PRORP: variants seen among roughly 807,000 people sequenced by gnomAD.
The protein encoded by PRORP is protein only RNase P catalytic subunit.
A neutral mutation model predicts 59.4 loss-of-function variants in PRORP; 51 were observed. The observed-to-expected ratio is 0.86, with a 90% CI of 0.69 to 1.08. PRORP has a LOEUF of 1.08. PRORP is among the 50% of genes least tolerant of loss of function. PRORP has a pLI of 0.00. For missense variants in PRORP, 646 were observed against 690.3 expected, an observed-to-expected ratio of 0.94 and a Z score of 0.72; for synonymous variants, 231 against 245.6, an observed-to-expected ratio of 0.94 and a Z score of 0.55.
At chr14:35,207,757 C>CTA (rs1264257648) in intron 5 of PRORP, among the ~76,000 whole-genome samples, 28 of 152,262 alleles carry the variant, frequency 1.8e-4, no homozygotes, top group Middle Eastern at 6.8e-3. Context: ...TTGAAGATGT[C>CTA]TATATCTATA....
At chr14:35,266,989 C>G in intron 6 of PRORP, 114 bp downstream of exon 6, 1 of 776,970 alleles carries the variant, frequency 1.3e-6, no homozygotes, top group Non-Finnish European at 1.8e-6. Flanking sequence ...TACTCACCCT[C>G]ATTAAAAAAA....
At chr14:35,122,085 G>C (rs2046924835), upstream of PRORP, 4 of 959,540 alleles carry the variant, frequency 4.2e-6, no homozygotes, top group Non-Finnish European at 6.5e-6. Flanking sequence ...CATCTTGATC[G>C]AGGGCGGAAG....
At chr14:35,160,265 CTT>C (rs2138944881) in intron 4 of PRORP, among the ~76,000 whole-genome samples, 1 of 152,324 alleles carries the variant, frequency 6.6e-6, no homozygotes, top group Non-Finnish European at 1.5e-5. Context: ...CTGTTGGACT[CTT>C]TCACCTTTTG....
chr14:35,204,024 T>A (rs74752973), intron 5 of PRORP, among the ~76,000 whole-genome samples: 1 of 152,236 alleles, frequency 6.6e-6, no homozygotes, highest in East Asian at 1.9e-4. Flanking sequence ...TATTGTATAG[T>A]TATCTTGAGC....
chr14:35,157,298 G>T (rs1393964955), intron 4 of PRORP, among the ~76,000 whole-genome samples: 1 of 151,976 alleles, frequency 6.6e-6, no homozygotes, highest in African/African-American at 2.4e-5. Flanking sequence ...TCCTAAACAT[G>T]GGCCAGACCT....
Position 35,211,402 on chromosome 14 carries a change from T to C in PRORP, c.1275+30625T>C, listed in dbSNP as rs548375375. Among the ~76,000 whole-genome samples, 6 of 152,302 alleles carry C rather than the reference T, an allele frequency of 3.9e-5. No homozygotes were observed. The East Asian group carries it at 1.2e-3, about 29-fold the overall frequency. On this transcript the variant is annotated intron_variant, in intron 5 of 7. Transcript: ENST00000534898. ...TATTCCCAGCACCTAAGACCATGCC[T>C]TGTGTATAATGGCTGCTCAGTAAAT...
intron 4 of PRORP, among the ~76,000 whole-genome samples, chr14:35,132,946 G>C (rs933791705): frequency 6.6e-6 from 1 of 151,816 alleles, no homozygotes; most frequent in African/African-American, 2.4e-5. Context: ...TTTTGAGACG[G>C]AGTGTTGTTC....
At chr14:35,212,257 A>C (rs2049467555) in intron 5 of PRORP, among the ~76,000 whole-genome samples, 1 of 151,968 alleles carries the variant, frequency 6.6e-6, no homozygotes, top group Non-Finnish European at 1.5e-5. Flanking sequence ...TGGAATCCAC[A>C]CCTTCCAAAC....
In PRORP at chr14:35,223,286, G is replaced by A. The variant is rs115313907; in HGVS notation, c.1275+42509G>A. 2.8e-3 allele frequency among the ~76,000 whole-genome samples: 414 copies of A among 149,292 alleles called. 2 individuals are homozygous for A. Among genetic ancestry groups the A allele is most frequent in the African/African-American group, 9.8e-3 (397 of 40,420 alleles). ...AATGCTGGGAGAGGTGACGTTTCCC[G>A]TTACTACTGTATATTGTGTCTATAT... On this transcript the variant is annotated intron_variant, in intron 5 of 7. Transcript: ENST00000534898.
intron 4 of PRORP, among the ~76,000 whole-genome samples, chr14:35,139,086 C>T (rs1257752831): frequency 6.9e-6 from 1 of 145,366 alleles, no homozygotes; most frequent in Non-Finnish European, 1.5e-5. Flanking sequence ...CCGCCATGCC[C>T]GGCCAAAGAT....
intron 4 of PRORP, among the ~76,000 whole-genome samples, chr14:35,138,925 G>A (rs2047427466): frequency 6.9e-6 from 1 of 144,632 alleles, no homozygotes; most frequent in Non-Finnish European, 1.5e-5. Context: ...CGAGTGGCTG[G>A]GACTACAGGT....
chr14:35,188,923 A>G (rs1030831449), intron 5 of PRORP, among the ~76,000 whole-genome samples: 5 of 145,670 alleles, frequency 3.4e-5, no homozygotes, highest in Non-Finnish European at 7.5e-5. Flanking sequence ...CAGCCTGGCG[A>G]CAGAGCAAGA....
At position 35,180,831 on chromosome 14, in the gene PRORP, C is replaced by G. The variant is rs184890203; in HGVS notation, c.1275+54C>G. On this transcript the variant is annotated intron_variant, in intron 5 of 7. Coordinates refer to ENST00000534898, the MANE Select transcript of PRORP (RefSeq NM_014672.4). ...ACATCTCTAGAAATATTTATTATACCCATTTATGACCTTCTTGGGGCTCTT... is the reference window on the plus strand; with the variant it reads ...ACATCTCTAGAAATATTTATTATACGCATTTATGACCTTCTTGGGGCTCTT... The G allele has an allele frequency of 1.5e-4, 172 of 1,144,276 alleles. No homozygotes were observed. The East Asian group carries it at 4.0e-3, about 26-fold the overall frequency. The allele number at this position is 1,144,276 out of a possible 1,614,324, so 70.9% of individuals were successfully genotyped here. A position where few individuals can be genotyped will look rare whatever the true frequency, so the allele number is the denominator to read the frequency against.
At chr14:35,131,654 G>A (rs1312444792) in intron 4 of PRORP, among the ~76,000 whole-genome samples, 29 of 148,774 alleles carry the variant, frequency 1.9e-4, no homozygotes, top group African/African-American at 5.2e-4. Flanking sequence ...TCAGCCTTCC[G>A]AGTAGCTGGG....
rs377727579 is a variant in PRORP, at chr14:35,187,589, A to AT, written c.1275+6823dup. ...AGGTGTGCACCACCATGCCTGGCTA[A>AT]TTTTTTTTTTTCGTATTTTTAGTAG... On this transcript the variant is annotated intron_variant, in intron 5 of 7. Coordinates refer to ENST00000534898, the MANE Select transcript of PRORP (RefSeq NM_014672.4). 3.2e-3 allele frequency among the ~76,000 whole-genome samples: 471 copies of AT among 146,396 alleles called. 4 individuals are homozygous for AT. The highest frequency in any genetic ancestry group is 0.011 in the African/African-American group (426 of 40,114).
At chr14:35,187,310 C>G (rs773263920) in intron 5 of PRORP, among the ~76,000 whole-genome samples, 1 of 152,136 alleles carries the variant, frequency 6.6e-6, no homozygotes, top group Non-Finnish European at 1.5e-5. Flanking sequence ...CACATCCTCA[C>G]GAACACTTGT....
chr14:35,157,693 A>G (rs2047950336), intron 4 of PRORP, among the ~76,000 whole-genome samples: 1 of 152,126 alleles, frequency 6.6e-6, no homozygotes, highest in African/African-American at 2.4e-5. Flanking sequence ...CTGGCCTGTT[A>G]CTTTCTATTA....
At chr14:35,130,532 A>G (rs1412041409) in intron 4 of PRORP, among the ~76,000 whole-genome samples, 1 of 150,416 alleles carries the variant, frequency 6.6e-6, no homozygotes, top group Non-Finnish European at 1.5e-5. Context: ...CCCAGGTTGG[A>G]ATGGAGTGGC....
At chr14:35,258,388 T>C (rs918638796) in intron 5 of PRORP, among the ~76,000 whole-genome samples, 1 of 151,190 alleles carries the variant, frequency 6.6e-6, no homozygotes, top group African/African-American at 2.4e-5. Context: ...CCGATGGTAA[T>C]CAGAATAAAG....
Sources: gnomAD v4.1 joint callset for allele counts (sites outside exome capture counted in the v4.1 genomes callset) on GRCh38, gnomAD v4.1.1 for gene constraint, MANE v1.5 for transcripts, NCBI Gene and HGNC (gene_info 2026-07-23, HGNC 2026-07-21) for gene names.